NLRP13: variants seen among roughly 807,000 people sequenced by gnomAD.
The protein encoded by NLRP13 is NLR family pyrin domain containing 13.
In NLRP13, 82 loss-of-function variants were observed where a neutral mutation model predicts 94.4. That is an observed-to-expected ratio of 0.87 (90% confidence interval 0.73 to 1.04). The LOEUF is 1.04. Among genes scored for constraint, NLRP13 ranks in the 50% least tolerant of loss-of-function variants. The pLI is 0.00. For synonymous variants in NLRP13, 553 were observed against 464.7 expected (o/e 1.19, Z -2.45); for missense variants, 1,426 against 1,230.8 (o/e 1.16, Z -2.37).
At chr19:55,926,515 A>T (rs73611425) in intron 1 of NLRP13, among the ~76,000 whole-genome samples, 7,131 of 152,194 alleles carry the variant, frequency 0.047, 407 homozygotes, top group East Asian at 0.26. Flanking sequence ...CCAGAGGAGC[A>T]TGTTTTAGGT....
chr19:55,926,062 G>A (rs534599835), intron 1 of NLRP13, among the ~76,000 whole-genome samples: 2 of 152,238 alleles, frequency 1.3e-5, no homozygotes, highest in East Asian at 3.9e-4. Context: ...CATAGCCCAA[G>A]CAGAGGAAAA....
intron 1 of NLRP13, among the ~76,000 whole-genome samples, chr19:55,931,141 T>C (rs914875531): frequency 6.6e-6 from 1 of 151,902 alleles, no homozygotes; most frequent in Non-Finnish European, 1.5e-5. Flanking sequence ...GAAAGAACAA[T>C]GATCTGAAAT....
At chr19:55,928,476 C>T (rs1417906777) in intron 1 of NLRP13, among the ~76,000 whole-genome samples, 1 of 152,096 alleles carries the variant, frequency 6.6e-6, no homozygotes, top group Admixed American at 6.5e-5. Flanking sequence ...TGGACACACT[C>T]CATTTACCCC....
At chr19:55,909,672 C>G (rs1226074824) in intron 6 of NLRP13, among the ~76,000 whole-genome samples, 1 of 152,206 alleles carries the variant, frequency 6.6e-6, no homozygotes, top group African/African-American at 2.4e-5. Flanking sequence ...TACACACACA[C>G]AAGTGGCTCT....
At chr19:55,914,324 A>C (rs1986625632) in intron 4 of NLRP13, among the ~76,000 whole-genome samples, 1 of 152,226 alleles carries the variant, frequency 6.6e-6, no homozygotes, top group African/African-American at 2.4e-5. Flanking sequence ...ACATGGTAGG[A>C]GGCTGGATCG....
Position 55,902,173 on chromosome 19 carries a change from C to T in NLRP13, c.2651G>A (p.Cys884Tyr). The change falls in exon 9 of 11, where the codon TGC becomes TAC. Residue 884 changes from cysteine to tyrosine, a missense_variant. Coordinates refer to ENST00000342929, the MANE Select transcript of NLRP13 (RefSeq NM_176810.2). ...LWFCQLAAPA[C>Y]KHLSDALLQN... Reference sequence around the variant, plus strand: ...CAGGAGAGCATCTGACAAGTGCTTGCAAGCGGGTGCTGCCAGCTGGCAAAA... The same window carrying T: ...CAGGAGAGCATCTGACAAGTGCTTGTAAGCGGGTGCTGCCAGCTGGCAAAA... 6.2e-7 allele frequency: 1 copy of T among 1,614,008 alleles called. No individual in the cohort carries two copies. Among genetic ancestry groups the T allele is most frequent in the African/African-American group, 1.3e-5 (1 of 75,032 alleles).
chr19:55,918,508 A>C (rs1275603841), intron 4 of NLRP13, among the ~76,000 whole-genome samples: 1 of 152,056 alleles, frequency 6.6e-6, no homozygotes, highest in African/African-American at 2.4e-5. Context: ...AAAGAAGAGA[A>C]GATTCAAACA....
chr19:55,930,882 A>G lies in NLRP13; in HGVS notation c.319+1111T>C, dbSNP rs868165747. ...GGAGATAGAATCAGTGATTATATAT[A>G]TATATATATATATATAAAATTTTAA... On this transcript the variant is annotated intron_variant, in intron 1 of 10. Coordinates refer to ENST00000342929, the MANE Select transcript of NLRP13 (RefSeq NM_176810.2). Among the ~76,000 whole-genome samples the G allele has an allele frequency of 3.1e-4, 31 of 98,420 alleles. 1 individual carries two copies. Among genetic ancestry groups the G allele is most frequent in the Middle Eastern group, 4.5e-3 (1 of 224 alleles). 64.6% of individuals were successfully genotyped at this position (98,420 alleles called of 152,430 possible).
intron 9 of NLRP13, among the ~76,000 whole-genome samples, chr19:55,900,866 A>T (rs545509712): frequency 6.6e-6 from 1 of 152,202 alleles, no homozygotes; most frequent in East Asian, 1.9e-4. Context: ...GAAAGGAGAT[A>T]GGCCATAAAT....
In NLRP13 at chr19:55,912,608, A is replaced by G. The variant is rs762907017; in HGVS notation, c.1209T>C (p.Ser403=). Residue 403 remains serine, a synonymous_variant, in exon 5 of 11, where the codon AGT becomes AGC. Coordinates refer to ENST00000342929, the MANE Select transcript of NLRP13 (RefSeq NM_176810.2). ...VYFMRHFDDS[S]EVEKILQQLR... is the part of the protein sequence containing the mutation. ...GCTGCTGCAGGATTTTCTCAACTTC[A>G]CTTGAGTCATCAAAGTGTCTCATGA... 6.2e-7 allele frequency: 1 copy of G among 1,614,190 alleles called. No individual in the cohort carries two copies. Among genetic ancestry groups the G allele is most frequent in the East Asian group, 2.2e-5 (1 of 44,882 alleles).
At position 55,912,974 on chromosome 19, in the gene NLRP13, A is replaced by G. The variant is rs1369376247; in HGVS notation, c.843T>C (p.Phe281=). The change falls in exon 5 of 11, where the codon TTT becomes TTC. Residue 281 remains phenylalanine (F), a synonymous_variant. Coordinates refer to ENST00000342929, the MANE Select transcript of NLRP13 (RefSeq NM_176810.2). ...GCCAATCCAAAGAAATCAATTCAGC[A>G]AAGGTAGTTTCCTTCATGTACCTTA... The part of the protein sequence containing the change: ...HKIRYMKETT[F]AELISLDWPD... 5.6e-6 allele frequency: 9 copies of G among 1,614,188 alleles called. No homozygotes were observed. Among genetic ancestry groups the G allele is most frequent in the Non-Finnish European group, 7.6e-6 (9 of 1,180,014 alleles).
rs891772189 is a variant in NLRP13 at position 55,925,155 on chromosome 19, T to A, written c.320-120A>T. The A allele has an allele frequency of 2.9e-5, 25 of 863,284 alleles. No individual in the cohort carries two copies. In the Admixed American group the frequency reaches 4.9e-4, roughly 17 times the overall value. 53.5% of individuals were successfully genotyped at this position (863,284 alleles called of 1,614,324 possible). A position where few individuals can be genotyped will look rare whatever the true frequency, so the allele number is the denominator to read the frequency against. On this transcript the variant is annotated intron_variant, in intron 1 of 10. Coordinates refer to ENST00000342929, the MANE Select transcript of NLRP13 (RefSeq NM_176810.2). ...ACAAACTGGAGTTTGAAGGTCTGAT[T>A]CCTCCAGTTTTCTCAAGCTCCATTA...
chr19:55,931,641 A>G (rs564414267), intron 1 of NLRP13, among the ~76,000 whole-genome samples: 18 of 149,712 alleles, frequency 1.2e-4, no homozygotes, highest in Non-Finnish European at 2.2e-4. Flanking sequence ...CCTGGGAGGC[A>G]GAGGTTACAG....
Position 55,913,937 on chromosome 19 carries a change from C to T in NLRP13, c.524-644G>A, listed in dbSNP as rs577005697. Among the ~76,000 whole-genome samples the T allele has an allele frequency of 2.1e-4, 32 of 152,264 alleles. 2 individuals carry two copies. The South Asian group carries it at 5.6e-3, about 27-fold the overall frequency. ...AGCTATCAGGTTTTCCTCACTTCCTCGAAACACTTCAGAGCAACAAGGGAT... is the reference window on the plus strand; with the variant it reads ...AGCTATCAGGTTTTCCTCACTTCCTTGAAACACTTCAGAGCAACAAGGGAT... On this transcript the variant is annotated intron_variant, in intron 4 of 10. Coordinates refer to ENST00000342929, the MANE Select transcript of NLRP13 (RefSeq NM_176810.2).
At chr19:55,928,072 G>A (rs382958) in intron 1 of NLRP13, among the ~76,000 whole-genome samples, 91,876 of 151,936 alleles carry the variant, frequency 0.6, 28,148 homozygotes, top group East Asian at 0.83. Flanking sequence ...AGCTTTTATC[G>A]TCCCCTGCAT....
intron 4 of NLRP13, among the ~76,000 whole-genome samples, chr19:55,923,340 G>C (rs143957685): frequency 6.6e-6 from 1 of 152,110 alleles, no homozygotes; most frequent in Non-Finnish European, 1.5e-5. Flanking sequence ...GGGGGAGAGG[G>C]GGTTGCAAAG....
At chr19:55,899,483 C>G (rs1390900988) in intron 9 of NLRP13, among the ~76,000 whole-genome samples, 1 of 152,030 alleles carries the variant, frequency 6.6e-6, no homozygotes, top group Non-Finnish European at 1.5e-5. Flanking sequence ...CCCACCCCCC[C>G]CATCCCAAAA....
rs964872048 is a variant in NLRP13 at position 55,896,136 on chromosome 19, A to G, written c.2958-17T>C. 3.7e-6 allele frequency: 6 copies of G among 1,613,344 alleles called. No homozygotes were observed. Among genetic ancestry groups the G allele is most frequent in the Non-Finnish European group, 5.1e-6 (6 of 1,179,592 alleles). ...TTCGCCAACCTAGGGGCGGGTGGGA[A>G]GAAAGCACAACAGATAGTCCTCTGA... On this transcript the variant is annotated splice_polypyrimidine_tract_variant and intron_variant, in intron 10 of 10. Transcript: ENST00000342929.
At chr19:55,898,709 T>C in intron 10 of NLRP13, 61 bp downstream of exon 10, 1 of 1,490,050 alleles carries the variant, frequency 6.7e-7, no homozygotes, top group Non-Finnish European at 9.1e-7. Flanking sequence ...GATCCGATCA[T>C]ATCTCCCCAC....
Sources: allele counts gnomAD v4.1 joint callset (sites outside exome capture counted in the v4.1 genomes callset), GRCh38; gene constraint gnomAD v4.1.1; transcripts MANE v1.5; gene names NCBI Gene and HGNC (gene_info 2026-07-23, HGNC 2026-07-21).